PHKA2: variants seen among roughly 807,000 people sequenced by gnomAD.
PHKA2 encodes phosphorylase kinase regulatory subunit alpha 2, also known as phosphorylase b kinase regulatory subunit alpha, liver isoform.
PHKA2 carries 31 observed loss-of-function variants against 102.0 expected under a neutral mutation model. That is an observed-to-expected ratio of 0.30 (90% confidence interval 0.23 to 0.41). The LOEUF (loss-of-function observed/expected upper bound fraction) is 0.41. Among genes scored for constraint, PHKA2 ranks in the 10% least tolerant of loss-of-function variants. PHKA2 has a pLI of 1.00. For synonymous variants in PHKA2, 455 were observed against 416.2 expected, an observed-to-expected ratio of 1.09 and a Z score of -1.13; for missense variants, 858 against 1,023.1, an observed-to-expected ratio of 0.84 and a Z score of 2.20.
Position 18,900,704 on chromosome X carries a change from A to C in PHKA2, c.3028-5T>G. 8.3e-7 allele frequency: 1 copy of C among 1,205,683 alleles called. No individual in the cohort carries two copies. The highest frequency in any genetic ancestry group is 1.1e-6 in the Non-Finnish European group (1 of 889,966). ...AGCACTAAACCGCCTAGTCATCTGA[A>C]AGCAAAAATACATCAGGAAATCAAA... On this transcript the variant is annotated splice_polypyrimidine_tract_variant and splice_region_variant and intron_variant, in intron 27 of 32. Coordinates refer to ENST00000379942, the MANE Select transcript of PHKA2 (RefSeq NM_000292.3).
chrX:18,982,329 C>T lies in PHKA2; in HGVS notation c.78+1526G>A, dbSNP rs1157231099. On this transcript the variant is annotated intron_variant, in intron 1 of 32. Transcript: ENST00000379942. The stretch of plus-strand genomic sequence containing the variant: ...GCTCTTTTGGTGGCAAAAGATGAGC[C>T]GAACTAATATGAAACTCTTTTCAGC... Among the ~76,000 whole-genome samples, 6 of 112,022 alleles carry T rather than the reference C, an allele frequency of 5.4e-5. No homozygotes were observed. In the South Asian group the frequency reaches 1.1e-3, roughly 21 times the overall value.
In PHKA2 at chrX:18,924,543, C is replaced by T. The variant is rs201157560; in HGVS notation, c.1570-18G>A. On this transcript the variant is annotated intron_variant, in intron 15 of 32. Transcript: ENST00000379942. ...TCGGTGAACTGAAAGTCAGAGGAGGCTGGGTAAACGGCCACCCTTTCTTTA... is the reference window on the plus strand; with the variant it reads ...TCGGTGAACTGAAAGTCAGAGGAGGTTGGGTAAACGGCCACCCTTTCTTTA... The T allele has an allele frequency of 1.7e-6, 2 of 1,205,787 alleles. No homozygotes were observed. The highest frequency in any genetic ancestry group is 2.2e-6 in the Non-Finnish European group (2 of 891,779).
At chrX:18,909,161 T>C (rs1196441437) in intron 20 of PHKA2, among the ~76,000 whole-genome samples, 4 of 112,290 alleles carry the variant, frequency 3.6e-5, no homozygotes, top group Non-Finnish European at 1.9e-5. Flanking sequence ...TTAAAATATA[T>C]GTGAGTTTTA....
chrX:18,937,940 G>C (rs1350894116), intron 10 of PHKA2, among the ~76,000 whole-genome samples: 1 of 111,936 alleles, frequency 8.9e-6, no homozygotes, highest in Admixed American at 9.5e-5. Context: ...CCAAACTAGG[G>C]CTAAAGACAG....
At chrX:18,962,288 G>T in intron 1 of PHKA2, among the ~76,000 whole-genome samples, 1 of 111,521 alleles carries the variant, frequency 9.0e-6, no homozygotes, top group Non-Finnish European at 1.9e-5. Flanking sequence ...TGGAGGGGCA[G>T]GTAAGGACTG....
In PHKA2 at chrX:18,894,261, G is replaced by A; in HGVS notation, c.3480C>T (p.Gly1160=). 1 of 1,211,586 alleles carries A rather than the reference G, an allele frequency of 8.3e-7. No homozygotes were observed. Among genetic ancestry groups the A allele is most frequent in the Non-Finnish European group, 1.1e-6 (1 of 895,342 alleles). ...LSDTEMTSIG[G]IIHVDQIVQM... is the part of the protein sequence containing the mutation. Reference sequence around the variant, plus strand: ...GCACGATCTGGTCCACGTGGATGATGCCCCCGATGCTGGTCATCTCCGTGT... The same window carrying A: ...GCACGATCTGGTCCACGTGGATGATACCCCCGATGCTGGTCATCTCCGTGT... Residue 1160 remains glycine (G), a synonymous_variant, in exon 32 of 33, where the codon GGC becomes GGT. Transcript: ENST00000379942.
intron 17 of PHKA2, among the ~76,000 whole-genome samples, chrX:18,922,867 T>TA (rs1212367582): frequency 2.7e-5 from 3 of 109,832 alleles, no homozygotes; most frequent in Admixed American, 9.8e-5. Context: ...ACCATAATTT[T>TA]AAAAAAACGA....
intron 25 of PHKA2, 71 bp from the exon 26 acceptor site, chrX:18,905,930 G>T: frequency 1.3e-6 from 1 of 748,746 alleles, no homozygotes; most frequent in Non-Finnish European, 2.1e-6. Flanking sequence ...TCAGGTGGAC[G>T]TGGGTGGGGA....
At chrX:18,948,465 C>T (rs767896269) in intron 5 of PHKA2, among the ~76,000 whole-genome samples, 1 of 111,884 alleles carries the variant, frequency 8.9e-6, no homozygotes, top group African/African-American at 3.3e-5. Context: ...CAGAGCGAGA[C>T]TCTGTTTAAA....
At chrX:18,897,128 G>A (rs1455773647) in intron 30 of PHKA2, 35 bp downstream of exon 30, 8 of 1,202,972 alleles carry the variant, frequency 6.7e-6, no homozygotes, top group Admixed American at 2.2e-5. Context: ...GTAAGGGGAC[G>A]GTTCACTTCC....
At chrX:18,896,047 G>C (rs1367327655) in intron 30 of PHKA2, 1 of 112,306 alleles carries the variant, frequency 8.9e-6, no homozygotes, top group Non-Finnish European at 1.9e-5. Context: ...AAGCACAGGG[G>C]CCCCTGTTAC....
chrX:18,964,816 G>A lies in PHKA2; in HGVS notation c.79-10404C>T, dbSNP rs181059695. 1.1e-3 allele frequency among the ~76,000 whole-genome samples: 124 copies of A among 112,642 alleles called. 1 individual carries two copies. Among genetic ancestry groups the A allele is most frequent in the African/African-American group, 3.7e-3 (116 of 31,077 alleles). ...AGATAGATTTTGTACAATTTGGTAG[G>A]TAAACCTCAGGTGGCTTGGAGAATA... On this transcript the variant is annotated intron_variant, in intron 1 of 32. Coordinates refer to ENST00000379942, the MANE Select transcript of PHKA2 (RefSeq NM_000292.3).
chrX:18,897,124 GGA>G, intron 30 of PHKA2, 37 bp downstream of exon 30: 1 of 1,198,991 alleles, frequency 8.3e-7, no homozygotes, highest in Non-Finnish European at 1.1e-6. Flanking sequence ...GACAGTAAGG[GGA>G]CGGTTCACTT....
At chrX:18,981,667 C>T (rs1015902120) in intron 1 of PHKA2, among the ~76,000 whole-genome samples, 1 of 110,849 alleles carries the variant, frequency 9.0e-6, no homozygotes, top group Non-Finnish European at 1.9e-5. Context: ...TCAAGGAATG[C>T]GGAGCTGTAG....
intron 5 of PHKA2, among the ~76,000 whole-genome samples, chrX:18,948,160 T>A (rs917581977): frequency 9.0e-5 from 10 of 111,368 alleles, no homozygotes; most frequent in African/African-American, 2.9e-4. Flanking sequence ...ATAAAAAAAT[T>A]AAAAATAAAA....
intron 30 of PHKA2, chrX:18,896,305 G>A (rs777313781): frequency 1.8e-5 from 2 of 111,923 alleles, no homozygotes; most frequent in African/African-American, 6.5e-5. Context: ...ATGCAGAAGG[G>A]AGACACTGGG....
intron 1 of PHKA2, among the ~76,000 whole-genome samples, chrX:18,982,425 C>T (rs754038277): frequency 2.7e-5 from 3 of 112,428 alleles, no homozygotes; most frequent in South Asian, 3.7e-4. Flanking sequence ...AGGGGTGCTG[C>T]CCAGATCTGG....
Position 18,929,235 on chromosome X carries a change from T to A in PHKA2, c.1317A>T (p.Val439=). 1 of 1,153,980 alleles carries A rather than the reference T, an allele frequency of 8.7e-7. No homozygotes were observed. Among genetic ancestry groups the A allele is most frequent in the Non-Finnish European group, 1.2e-6 (1 of 855,222 alleles). The part of the protein sequence containing the change: ...RFSTSVKPDV[V]VQVTVLAENN... ...GTAAACACGCTCACAAACCTTGTAC[T>A]ACAACATCAGGTTTGACTGAAGTGG... Residue 439 remains valine, a synonymous_variant, in exon 13 of 33, where the codon GTA becomes GTT. Coordinates refer to ENST00000379942, the MANE Select transcript of PHKA2 (RefSeq NM_000292.3).
chrX:18,966,026 G>A (rs922275804), intron 1 of PHKA2, among the ~76,000 whole-genome samples: 7 of 107,187 alleles, frequency 6.5e-5, no homozygotes, highest in Admixed American at 2.0e-4. Context: ...GTCAGCTCAC[G>A]AGAAGAATTG....
Sources: gnomAD v4.1 joint callset for allele counts (sites outside exome capture counted in the v4.1 genomes callset) on GRCh38, gnomAD v4.1.1 for gene constraint, MANE v1.5 for transcripts, NCBI Gene and HGNC (gene_info 2026-07-23, HGNC 2026-07-21) for gene names.